Variants in HECTD4 observed in about 807,000 individuals in gnomAD.
HECTD4 encodes the protein HECT domain E3 ubiquitin protein ligase 4, also known as probable E3 ubiquitin-protein ligase HECTD4.
A neutral mutation model predicts 471.5 loss-of-function variants in HECTD4; 114 were observed. The observed-to-expected ratio is 0.24, with a 90% CI of 0.21 to 0.28. HECTD4 has a LOEUF of 0.28. Among genes scored for constraint, HECTD4 ranks in the 10% least tolerant of loss-of-function variants. HECTD4 has a pLI of 1.00. For missense variants in HECTD4, 3,866 were observed against 5,651.5 expected, an observed-to-expected ratio of 0.68 and a Z score of 10.13; for synonymous variants, 2,012 against 2,256.0, an observed-to-expected ratio of 0.89 and a Z score of 3.07.
At chr12:112,305,709 G>A (rs1291384681) in intron 7 of HECTD4, among the ~76,000 whole-genome samples, 4 of 151,994 alleles carry the variant, frequency 2.6e-5, no homozygotes, top group Non-Finnish European at 5.9e-5. Flanking sequence ...TCACAATGTT[G>A]TTATCTCTCT....
intron 8 of HECTD4, 76 bp downstream of exon 8, chr12:112,283,034 G>A: frequency 2.5e-6 from 3 of 1,197,518 alleles, no homozygotes; most frequent in South Asian, 1.7e-5. Context: ...TGTACAGCAC[G>A]GACGAAGTGC....
intron 1 of HECTD4, chr12:112,323,106 G>A (rs1015857500): frequency 7.5e-5 from 15 of 200,498 alleles, no homozygotes; most frequent in Admixed American, 6.0e-4. Context: ...GGCTGGGCGC[G>A]GTGGCTCATG....
rs2137010556 is a variant in HECTD4 at position 112,173,501 on chromosome 12, T to A, written c.11595-640A>T. Among the ~76,000 whole-genome samples the A allele has an allele frequency of 6.6e-6, 1 of 152,200 alleles. No homozygotes were observed. The highest frequency in any genetic ancestry group is 6.5e-5 in the Admixed American group (1 of 15,286). ...GCCTCCTGGGTTCACGCCATTCTTC[T>A]GCCTCAGCCTCCTGACTAGCTAGGA... On this transcript the variant is annotated intron_variant, in intron 66 of 75. Transcript: ENST00000682272. The surrounding 1 kb of genome is among the most constrained non-coding windows in gnomAD (Gnocchi z 4.3).
intron 25 of HECTD4, chr12:112,249,575 T>G (rs1369457704): frequency 6.5e-6 from 1 of 153,936 alleles, no homozygotes. Flanking sequence ...ATTTCATATA[T>G]TCTCTAAAGT....
In HECTD4 at chr12:112,269,694, A is replaced by G. The variant is rs377589451; in HGVS notation, c.2321+10T>C. 2 of 1,613,584 alleles carry G rather than the reference A, an allele frequency of 1.2e-6. No individual in the cohort carries two copies. The highest frequency in any genetic ancestry group is 2.7e-5 in the African/African-American group (2 of 74,930). ...TGCAGAGAGCACTACAAAAATCATTAGCTGTTTACCTGATGGCAAGGCAGA... is the reference window on the plus strand; with the variant it reads ...TGCAGAGAGCACTACAAAAATCATTGGCTGTTTACCTGATGGCAAGGCAGA... On this transcript the variant is annotated intron_variant, in intron 13 of 75. Coordinates refer to ENST00000682272, the MANE Select transcript of HECTD4 (RefSeq NM_001388303.1).
At chr12:112,302,535 G>C in intron 7 of HECTD4, 1 of 723,700 alleles carries the variant, frequency 1.4e-6, no homozygotes, top group African/African-American at 1.7e-5. Flanking sequence ...TTTTGGGCTG[G>C]ATGTCCTGTC....
intron 43 of HECTD4, 47 bp from the exon 44 acceptor site, chr12:112,226,805 T>C (rs1211050677): frequency 7.1e-7 from 1 of 1,411,638 alleles, no homozygotes; most frequent in East Asian, 2.4e-5. Flanking sequence ...CAGTGTTCAT[T>C]GTCTAAAAAA....
chr12:112,287,151 G>A (rs2034770932), intron 7 of HECTD4, among the ~76,000 whole-genome samples: 1 of 152,104 alleles, frequency 6.6e-6, no homozygotes, highest in Non-Finnish European at 1.5e-5. Context: ...GCAAGCTAAA[G>A]GAGCTCCCCA....
intron 7 of HECTD4, among the ~76,000 whole-genome samples, chr12:112,297,084 T>C (rs2035047881): frequency 6.7e-5 from 5 of 74,530 alleles, no homozygotes. Context: ...TGTAGGTGTA[T>C]GGATGTAGGT....
intron 44 of HECTD4, among the ~76,000 whole-genome samples, chr12:112,220,984 C>T (rs1413547392): frequency 1.3e-5 from 2 of 152,118 alleles, no homozygotes; most frequent in South Asian, 2.1e-4. Flanking sequence ...AGGTCTCTCG[C>T]TCTGTTGCCC....
At position 112,188,515 on chromosome 12, in the gene HECTD4, C is replaced by T. The variant is rs2031963283; in HGVS notation, c.9472+2271G>A. Among the ~76,000 whole-genome samples the T allele has an allele frequency of 1.3e-5, 2 of 152,194 alleles. No homozygotes were observed. The highest frequency in any genetic ancestry group is 2.4e-5 in the African/African-American group (1 of 41,440). On this transcript the variant is annotated intron_variant, in intron 60 of 75. Transcript: ENST00000682272. This position sits in a 1 kb window ranked among gnomAD's most constrained non-coding sequence, Gnocchi z 4.2. ...AGTGGAAAGAGAGAAAGCTCATGTA[C>T]GTGAGACACGATTAGGGATCATGAA...
intron 58 of HECTD4, 109 bp from the exon 59 acceptor site, chr12:112,192,874 C>A (rs909921117): frequency 2.4e-5 from 29 of 1,205,642 alleles, no homozygotes; most frequent in Admixed American, 1.2e-4. Flanking sequence ...GGGCCCAAGT[C>A]ATTTCCACCA....
Position 112,249,948 on chromosome 12 carries a change from T to C in HECTD4, c.3950+196A>G, listed in dbSNP as rs916543826. On this transcript the variant is annotated intron_variant, in intron 25 of 75. Transcript: ENST00000682272. ...CCCAAGTGATGCCAATGCTGCTGAC[T>C]GGTGGGCCAAATTTTGAGAGCCCCT... 25 of 583,682 alleles carry C rather than the reference T, an allele frequency of 4.3e-5. No homozygotes were observed. The South Asian group carries it at 4.7e-4, about 11-fold the overall frequency. The allele number at this position is 583,682 out of a possible 1,614,324, so 36.2% of individuals were successfully genotyped here.
At chr12:112,279,429 A>AC in intron 8 of HECTD4, 43 bp from the exon 9 acceptor site, 1 of 1,531,742 alleles carries the variant, frequency 6.5e-7, no homozygotes, top group Non-Finnish European at 8.8e-7. Context: ...TATTTGACAC[A>AC]AAAGTTAATT....
intron 19 of HECTD4, 89 bp downstream of exon 19, chr12:112,259,023 G>T: frequency 8.6e-7 from 1 of 1,159,034 alleles, no homozygotes; most frequent in Non-Finnish European, 1.2e-6. Flanking sequence ...GCAGGATTAT[G>T]TTTATTCTGT....
chr12:112,225,025 C>A (rs1278199221), intron 44 of HECTD4, among the ~76,000 whole-genome samples: 1 of 152,060 alleles, frequency 6.6e-6, no homozygotes, highest in Non-Finnish European at 1.5e-5. Context: ...GTAATTTCAC[C>A]CTTGACGCCT....
At chr12:112,303,905 A>G (rs1239355220) in intron 7 of HECTD4, among the ~76,000 whole-genome samples, 1 of 151,882 alleles carries the variant, frequency 6.6e-6, no homozygotes, top group Non-Finnish European at 1.5e-5. Flanking sequence ...AAAAGAAAAG[A>G]GGGAGAATTG....
rs1464584383 is a variant in HECTD4, at chr12:112,269,840, T to C, written c.2185A>G (p.Lys729Glu). 1 of 1,613,652 alleles carries C rather than the reference T, an allele frequency of 6.2e-7. No individual in the cohort carries two copies. Among genetic ancestry groups the C allele is most frequent in the African/African-American group, 1.3e-5 (1 of 75,052 alleles). The change falls in exon 13 of 76, where the codon AAA becomes GAA. Residue 729 changes from lysine (K) to glutamate (E), a missense_variant. Lys to Glu is a moderately conservative substitution (Grantham distance 56). This residue lies in a region of HECTD4 where 525 missense variants were observed against 672.6 expected (regional missense o/e 0.78). Transcript: ENST00000682272. ...CILVVFQVVF[K>E]FFFSPQTERN... ...TCAGTTTGTGGGCTGAAGAAAAATT[T>C]AAATACCACCTACAGAAACAGAAGG...
At chr12:112,368,823 T>C (rs1166839715) in intron 1 of HECTD4, among the ~76,000 whole-genome samples, 1 of 152,224 alleles carries the variant, frequency 6.6e-6, no homozygotes, top group African/African-American at 2.4e-5. Context: ...AAAAAGGTTT[T>C]ACATAGCATA....
Sources: allele counts gnomAD v4.1 joint callset (sites outside exome capture counted in the v4.1 genomes callset), GRCh38; gene constraint gnomAD v4.1.1; regional missense constraint gnomAD v4.1.1; non-coding constraint Gnocchi (gnomAD v3.1); transcripts MANE v1.5; gene names NCBI Gene and HGNC (gene_info 2026-07-23, HGNC 2026-07-21).